The following CLEC1A variants were observed in gnomAD, a reference collection of about 807,000 sequenced individuals.
CLEC1A encodes the protein C-type lectin domain family 1 member A.
Under a neutral mutation model 28.7 loss-of-function variants are expected in CLEC1A, and 34 were observed. That is an observed-to-expected ratio of 1.18 (90% CI 0.90 to 1.57). CLEC1A has a LOEUF of 1.57. CLEC1A is among the 40% of genes most tolerant of loss of function. The pLI is 0.00. For synonymous variants in CLEC1A, 116 were observed against 121.0 expected (o/e 0.96, Z 0.27); for missense variants, 385 against 339.5 (o/e 1.13, Z -1.05).
chr12:10,093,734 C>A (rs1947739770), intron 1 of CLEC1A, among the ~76,000 whole-genome samples: 1 of 151,870 alleles, frequency 6.6e-6, no homozygotes, highest in East Asian at 1.9e-4. Context: ...TTTCCATGAG[C>A]CAGTCAGGAA....
chr12:10,081,173 C>A (rs373724455), intron 3 of CLEC1A, 64 bp downstream of exon 3: 7 of 1,378,200 alleles, frequency 5.1e-6, no homozygotes, highest in Middle Eastern at 3.8e-4. Flanking sequence ...TCACTTTCAC[C>A]GGCGGGAAAT....
intron 1 of CLEC1A, among the ~76,000 whole-genome samples, chr12:10,098,468 C>T (rs1052877471): frequency 6.6e-6 from 1 of 152,066 alleles, no homozygotes; most frequent in Non-Finnish European, 1.5e-5. Flanking sequence ...GATACTTAAA[C>T]AACTCATCCA....
intron 3 of CLEC1A, among the ~76,000 whole-genome samples, chr12:10,077,817 G>A (rs7960611): frequency 0.8 from 121,670 of 151,904 alleles, 50,106 homozygotes; most frequent in Middle Eastern, 0.89. Context: ...TGTGTTTTGG[G>A]CAAAAGGAAT....
At chr12:10,084,289 G>C (rs907714234) in intron 2 of CLEC1A, 1 of 152,224 alleles carries the variant, frequency 6.6e-6, no homozygotes, top group Non-Finnish European at 1.5e-5. Context: ...CTCCCTCACT[G>C]TTCCATGTGC....
intron 2 of CLEC1A, among the ~76,000 whole-genome samples, chr12:10,085,291 A>C (rs1028757053): frequency 6.6e-6 from 1 of 151,704 alleles, no homozygotes; most frequent in Non-Finnish European, 1.5e-5. Context: ...ATAGAACAGT[A>C]CTGCACATCT....
chr12:10,093,643 CGA>C (rs2137371918), intron 1 of CLEC1A, among the ~76,000 whole-genome samples: 1 of 151,666 alleles, frequency 6.6e-6, no homozygotes, highest in Non-Finnish European at 1.5e-5. Flanking sequence ...GAGAAGACAC[CGA>C]GAGTTTAAAT....
At chr12:10,079,944 T>C (rs1289047902) in intron 3 of CLEC1A, among the ~76,000 whole-genome samples, 2 of 152,174 alleles carry the variant, frequency 1.3e-5, no homozygotes, top group Non-Finnish European at 2.9e-5. Context: ...GCCTGTCAAG[T>C]AGTGGATTAT....
At chr12:10,087,522 GTTTTT>G (rs1265898724) in intron 2 of CLEC1A, among the ~76,000 whole-genome samples, 1 of 37,608 alleles carries the variant, frequency 2.7e-5, no homozygotes, top group South Asian at 8.2e-4. Context: ...ATATATATTT[GTTTTT>G]TTTTTTTTTA....
intron 1 of CLEC1A, among the ~76,000 whole-genome samples, chr12:10,091,963 G>A (rs1266155426): frequency 1.3e-5 from 2 of 151,910 alleles, no homozygotes; most frequent in Non-Finnish European, 2.9e-5. Context: ...CCAATTCCTA[G>A]GGCAGTAGTT....
chr12:10,093,433 AG>A (rs1281072582), intron 1 of CLEC1A, among the ~76,000 whole-genome samples: 1 of 150,692 alleles, frequency 6.6e-6, no homozygotes, highest in African/African-American at 2.4e-5. Flanking sequence ...AAAAGGCCTT[AG>A]TGCTAGGGTC....
intron 3 of CLEC1A, among the ~76,000 whole-genome samples, chr12:10,078,459 C>A (rs1866299143): frequency 6.6e-6 from 1 of 152,192 alleles, no homozygotes; most frequent in Non-Finnish European, 1.5e-5. Flanking sequence ...CTTTTCAAGT[C>A]TTTGCTACCA....
intron 1 of CLEC1A, 106 bp downstream of exon 1, chr12:10,098,702 T>A: frequency 1.4e-6 from 1 of 694,056 alleles, no homozygotes; most frequent in Non-Finnish European, 2.3e-6. Flanking sequence ...TAATTGGAAA[T>A]AAAATTATAA....
rs577087146 is a variant in CLEC1A, at chr12:10,097,923, A to G, written c.115+885T>C. Among the ~76,000 whole-genome samples the G allele has an allele frequency of 1.3e-4, 17 of 131,160 alleles. No individual in the cohort carries two copies. The South Asian group carries it at 3.8e-3, about 30-fold the overall frequency. 86.0% of individuals were successfully genotyped at this position (131,160 alleles called of 152,430 possible). On this transcript the variant is annotated intron_variant, in intron 1 of 5. Coordinates refer to ENST00000315330, the MANE Select transcript of CLEC1A (RefSeq NM_016511.4). ...TTACTGGGTAGTTTAGTTAAAAAAA[A>G]AAAAAGCCATATTAGTAGGTTTCAG... is the stretch of plus-strand genomic sequence containing the variant.
intron 1 of CLEC1A, among the ~76,000 whole-genome samples, chr12:10,096,087 A>G (rs909713620): frequency 3.9e-5 from 6 of 152,108 alleles, no homozygotes; most frequent in Admixed American, 1.3e-4. Flanking sequence ...TACTTTATTT[A>G]TTTAATTACT....
In CLEC1A at chr12:10,089,199, A is replaced by C. The variant is rs778035153; in HGVS notation, c.139T>G (p.Trp47Gly). ...AGCAGGGTCAGGGCCACTGGTCGCC[A>C]CGTTGAAGAGGGAGCCCTGTGCTCT... Reference protein sequence around the residue: ...RTEHRAPSSTWRPVALTLLTL... With the variant: ...RTEHRAPSSTGRPVALTLLTL... The change falls in exon 2 of 6, where the codon TGG becomes GGG. Residue 47 changes from tryptophan to glycine, a missense_variant. Transcript: ENST00000315330. 6 of 1,614,056 alleles carry C rather than the reference A, an allele frequency of 3.7e-6. No homozygotes were observed. In the South Asian group the frequency reaches 4.4e-5, roughly 12 times the overall value.
At chr12:10,095,373 G>A (rs1947763513) in intron 1 of CLEC1A, among the ~76,000 whole-genome samples, 1 of 151,946 alleles carries the variant, frequency 6.6e-6, no homozygotes, top group African/African-American at 2.4e-5. Flanking sequence ...ATCTCAGCCT[G>A]TCAGTTATTT....
At chr12:10,093,439 AG>A (rs1947734429) in intron 1 of CLEC1A, among the ~76,000 whole-genome samples, 1 of 151,154 alleles carries the variant, frequency 6.6e-6, no homozygotes. Context: ...CCTTAGTGCT[AG>A]GGTCAAATTT....
chr12:10,087,823 T>TA (rs931020172), intron 2 of CLEC1A, among the ~76,000 whole-genome samples: 5 of 150,890 alleles, frequency 3.3e-5, no homozygotes, highest in African/African-American at 4.8e-5. Context: ...ATTCCTGGCC[T>TA]AAAAAAAATG....
intron 1 of CLEC1A, among the ~76,000 whole-genome samples, chr12:10,090,716 C>A (rs10772234): frequency 6.6e-6 from 1 of 151,960 alleles, no homozygotes; most frequent in African/African-American, 2.4e-5. Context: ...CATACTGATA[C>A]ATTTTTAAAT....
Sources: allele counts gnomAD v4.1 joint callset (sites outside exome capture counted in the v4.1 genomes callset), GRCh38; gene constraint gnomAD v4.1.1; transcripts MANE v1.5; gene names NCBI Gene and HGNC (gene_info 2026-07-23, HGNC 2026-07-21).